IZUMO4: variants seen among roughly 807,000 people sequenced by gnomAD.
IZUMO4 encodes IZUMO family member 4, also known as izumo sperm-egg fusion protein 4.
IZUMO4 carries 51 observed loss-of-function variants against 37.1 expected under a neutral mutation model. The observed-to-expected ratio is 1.38, with a 90% CI of 1.10 to 1.74. IZUMO4 has a LOEUF of 1.74. IZUMO4 is among the 40% of genes most tolerant of loss of function. IZUMO4 has a pLI of 0.00. For synonymous variants in IZUMO4, 162 were observed against 121.4 expected, an observed-to-expected ratio of 1.33 and a Z score of -2.20; for missense variants, 364 against 299.6, an observed-to-expected ratio of 1.21 and a Z score of -1.59.
rs369532143 is a variant in IZUMO4, at chr19:2,098,172, C to T, written c.473+45C>T. Reference sequence around the variant, plus strand: ...CCCACCCGTGCCAGGGCCCTACTGTCCCTGGGGTCCCAGGCTCTCCTTGGA... The same window carrying T: ...CCCACCCGTGCCAGGGCCCTACTGTTCCTGGGGTCCCAGGCTCTCCTTGGA... On this transcript the variant is annotated intron_variant, in intron 5 of 9. Coordinates refer to ENST00000395301, the MANE Select transcript of IZUMO4 (RefSeq NM_001039846.2). The T allele has an allele frequency of 1.9e-5, 31 of 1,611,150 alleles. No individual in the cohort carries two copies. In the African/African-American group the frequency reaches 3.6e-4, roughly 19 times the overall value.
intron 7 of IZUMO4, 98 bp from the exon 8 acceptor site, chr19:2,098,689 C>G: frequency 2.5e-6 from 4 of 1,571,352 alleles, no homozygotes; most frequent in Non-Finnish European, 3.4e-6. Context: ...GGGTCTGGTT[C>G]CACCCCATCC....
intron 9 of IZUMO4, 92 bp downstream of exon 9, chr19:2,099,121 A>G: frequency 7.2e-7 from 1 of 1,395,558 alleles, no homozygotes; most frequent in Non-Finnish European, 1.0e-6. Flanking sequence ...CTGACATCCC[A>G]GGCACGAGGG....
intron 9 of IZUMO4, 49 bp downstream of exon 9, chr19:2,099,078 C>T (rs374042990): frequency 4.0e-5 from 62 of 1,559,102 alleles, no homozygotes; most frequent in Non-Finnish European, 4.9e-5. Flanking sequence ...TGCTCGTAAG[C>T]CAACACCAGC....
Position 2,099,258 on chromosome 19 carries a change from G to A in IZUMO4, c.612G>A (p.Leu204=), listed in dbSNP as rs918664497. The A allele has an allele frequency of 5.6e-6, 9 of 1,612,932 alleles. No homozygotes were observed. Among genetic ancestry groups the A allele is most frequent in the African/African-American group, 4.0e-5 (3 of 74,892 alleles). ...PGTHRATPAF[L]VSPALRCLEP... The stretch of plus-strand genomic sequence containing the variant: ...AGGCAGCCTCGTCTCCCCGCAGCCT[G>A]GTATCGCCAGCCTTAAGGTGTCTGG... The change falls in exon 10 of 10, where the codon CTG becomes CTA. Residue 204 remains leucine (L), a synonymous_variant. Transcript: ENST00000395301.
Position 2,098,137 on chromosome 19 carries a change from A to G in IZUMO4, c.473+10A>G, listed in dbSNP as rs1459785324. 1.2e-6 allele frequency: 2 copies of G among 1,613,366 alleles called. No individual in the cohort carries two copies. Among genetic ancestry groups the G allele is most frequent in the South Asian group, 2.2e-5 (2 of 91,082 alleles). ...TTGGCTATAACTGCGAGTAGGGCTC[A>G]GGCATCACACCCACCCGTGCCAGGG... On this transcript the variant is annotated intron_variant, in intron 5 of 9. Coordinates refer to ENST00000395301, the MANE Select transcript of IZUMO4 (RefSeq NM_001039846.2).
At position 2,097,338 on chromosome 19, in the gene IZUMO4, G is replaced by C; in HGVS notation, c.298+6G>C. On this transcript the variant is annotated splice_donor_region_variant and intron_variant, in intron 2 of 9. Transcript: ENST00000395301. ...GGGGAAGATGTACTTCCCCGGTAAG[G>C]GGCGCGAAACCGAGGCGGGGCCCCC... The C allele has an allele frequency of 6.2e-7, 1 of 1,612,646 alleles. No homozygotes were observed. The highest frequency in any genetic ancestry group is 1.3e-5 in the African/African-American group (1 of 75,060).
Position 2,097,949 on chromosome 19 carries a change from C to G in IZUMO4, c.391C>G (p.Arg131Gly). 1 of 1,613,196 alleles carries G rather than the reference C, an allele frequency of 6.2e-7. No individual in the cohort carries two copies. Among genetic ancestry groups the G allele is most frequent in the Middle Eastern group, 1.6e-4 (1 of 6,062 alleles). ...CACAGGCCGCATCGACTGTCAGCACCGCTGTGGTAAGCAAGGCTCCGTCCA... is the reference window on the plus strand; with the variant it reads ...CACAGGCCGCATCGACTGTCAGCACGGCTGTGGTAAGCAAGGCTCCGTCCA... Reference protein sequence around the residue: ...IIESRIDCQHRCGIFQYETIS... With the variant: ...IIESRIDCQHGCGIFQYETIS... The change falls in exon 4 of 10, where the codon CGC (arginine) becomes GGC (glycine). Residue 131 changes from arginine to glycine, a missense_variant. Coordinates refer to ENST00000395301, the MANE Select transcript of IZUMO4 (RefSeq NM_001039846.2).
chr19:2,097,199 G>A (rs1297701110), intron 1 of IZUMO4, 37 bp downstream of exon 1: 4 of 1,605,850 alleles, frequency 2.5e-6, no homozygotes, highest in Non-Finnish European at 8.5e-7. Flanking sequence ...CGACTACCCC[G>A]CCAGCGAGAC....
At chr19:2,097,607 G>A (rs1156844172) in intron 3 of IZUMO4, 112 bp downstream of exon 3, 1 of 994,730 alleles carries the variant, frequency 1.0e-6, no homozygotes, top group Middle Eastern at 2.0e-4. Context: ...CAGGCAGCTG[G>A]GGAGGAGGGC....
chr19:2,099,103 A>G (rs994023217), intron 9 of IZUMO4, 74 bp downstream of exon 9: 13 of 1,463,362 alleles, frequency 8.9e-6, no homozygotes, highest in Non-Finnish European at 1.2e-5. Flanking sequence ...CGCGGCCTGC[A>G]CACCCTGCTG....
chr19:2,098,736 A>G, intron 7 of IZUMO4, 51 bp from the exon 8 acceptor site: 2 of 1,601,984 alleles, frequency 1.2e-6, no homozygotes, highest in South Asian at 1.1e-5. Context: ...GTTCCCTACG[A>G]TGGTTAGGGG....
rs2017862985 is a variant in IZUMO4, at chr19:2,099,583, T to C, written c.*238T>C. 1.8e-6 allele frequency: 1 copy of C among 552,320 alleles called. No homozygotes were observed. Among genetic ancestry groups the C allele is most frequent in the Non-Finnish European group, 3.3e-6 (1 of 305,442 alleles). 34.2% of individuals were successfully genotyped at this position (552,320 alleles called of 1,614,324 possible). ...ATGTGATTAAAGTCCCTGATGTTTCTCTTTGCAGAAGAGTTCTTGTTGGGG... is the reference window on the plus strand; with the variant it reads ...ATGTGATTAAAGTCCCTGATGTTTCCCTTTGCAGAAGAGTTCTTGTTGGGG... On this transcript the variant is annotated 3_prime_UTR_variant, in exon 10 of 10. Transcript: ENST00000395301.
In IZUMO4 at chr19:2,097,237, T is replaced by C. The variant is rs1355959023; in HGVS notation, c.218-15T>C. 7 of 1,610,666 alleles carry C rather than the reference T, an allele frequency of 4.3e-6. No homozygotes were observed. The East Asian group carries it at 1.3e-4, about 31-fold the overall frequency. On this transcript the variant is annotated splice_polypyrimidine_tract_variant and intron_variant, in intron 1 of 9. Transcript: ENST00000395301. ...CGGGGCAGGCCGGTCACCTGGCTTCTCCTCCTGCCCGCAGCCCGGGAGAAG... is the reference window on the plus strand; with the variant it reads ...CGGGGCAGGCCGGTCACCTGGCTTCCCCTCCTGCCCGCAGCCCGGGAGAAG...
chr19:2,099,010 C>T lies in IZUMO4; in HGVS notation c.589C>T (p.His197Tyr), dbSNP rs539355969. The change falls in exon 9 of 10, where the codon CAC (histidine) becomes TAC (tyrosine). Residue 197 changes from histidine (H) to tyrosine (Y), a missense_variant. Coordinates refer to ENST00000395301, the MANE Select transcript of IZUMO4 (RefSeq NM_001039846.2). ...CTCTGCCTTCTCCTGGCCTGGGACA[C>T]ACAGAGCCACCCCGGCCTTGTGAGT... ...RSSAFSWPGTHRATPAFLVSP... is the reference protein window; with the variant it reads ...RSSAFSWPGTYRATPAFLVSP... 2 of 1,613,124 alleles carry T rather than the reference C, an allele frequency of 1.2e-6. No individual in the cohort carries two copies. Among genetic ancestry groups the T allele is most frequent in the African/African-American group, 1.3e-5 (1 of 75,040 alleles).
At chr19:2,098,495 G>C in intron 7 of IZUMO4, 45 bp downstream of exon 7, 1 of 1,613,226 alleles carries the variant, frequency 6.2e-7, no homozygotes, top group Non-Finnish European at 8.5e-7. Context: ...GTGTATGTGA[G>C]CACCTCGTGG....
chr19:2,097,703 C>A (rs781745663), intron 3 of IZUMO4: 2 of 685,352 alleles, frequency 2.9e-6, no homozygotes, highest in Admixed American at 2.6e-5. Context: ...CCCCCAGAGG[C>A]GCTGGGAGTG....
chr19:2,097,083 C>T lies in IZUMO4; in HGVS notation c.138C>T (p.Ile46=). The T allele has an allele frequency of 2.5e-6, 4 of 1,612,834 alleles. No homozygotes were observed. Among genetic ancestry groups the T allele is most frequent in the Non-Finnish European group, 3.4e-6 (4 of 1,179,930 alleles). Reference sequence around the variant, plus strand: ...TCAAGTCCTGGTGGGTGGGCGACATCCCCGTGTCAGGGGCGCTGCTCACCG... The same window carrying T: ...TCAAGTCCTGGTGGGTGGGCGACATTCCCGTGTCAGGGGCGCTGCTCACCG... ...VNFKSWWVGD[I]PVSGALLTDW... Residue 46 remains isoleucine (I), a synonymous_variant, in exon 1 of 10, where the codon ATC becomes ATT. Coordinates refer to ENST00000395301, the MANE Select transcript of IZUMO4 (RefSeq NM_001039846.2).
At chr19:2,098,880 TCAGTGGGGGCACTG>T in intron 8 of IZUMO4, 76 bp downstream of exon 8, 1 of 1,524,538 alleles carries the variant, frequency 6.6e-7, no homozygotes, top group Non-Finnish European at 9.1e-7. Flanking sequence ...GTCCTCTAGA[TCAGTGGGGGCACTG>T]CAGGTGGGGC....
rs182143930 is a variant in IZUMO4 at position 2,098,982 on chromosome 19, C to T, written c.561C>T (p.Arg187=). The change falls in exon 9 of 10, where the codon CGC becomes CGT. Residue 187 remains arginine (R), a synonymous_variant. Transcript: ENST00000395301. ...GTGGTGGTTTCATGAACAGACCACG[C>T]TCCTCTGCCTTCTCCTGGCCTGGGA... The part of the protein sequence containing the change: ...WHKQDTSMRP[R]SSAFSWPGTH... 12 of 1,613,192 alleles carry T rather than the reference C, an allele frequency of 7.4e-6. No individual in the cohort carries two copies. Among genetic ancestry groups the T allele is most frequent in the African/African-American group, 6.7e-5 (5 of 75,052 alleles).
Sources: allele counts gnomAD v4.1 joint callset, GRCh38; gene constraint gnomAD v4.1.1; transcripts MANE v1.5; gene names NCBI Gene and HGNC (gene_info 2026-07-23, HGNC 2026-07-21).